MTMR12: variants seen among roughly 807,000 people sequenced by gnomAD.
MTMR12 encodes the protein myotubularin-related protein 12.
A neutral mutation model predicts 96.7 loss-of-function variants in MTMR12; 33 were observed. That is an observed-to-expected ratio of 0.34 (90% CI 0.26 to 0.46). MTMR12 has a LOEUF of 0.46. Among genes scored for constraint, MTMR12 ranks in the 20% least tolerant of loss-of-function variants. The pLI, the probability that MTMR12 is intolerant of heterozygous loss-of-function variation, is 1.00. For missense variants in MTMR12, 721 were observed against 896.1 expected, an observed-to-expected ratio of 0.80 and a Z score of 2.49; for synonymous variants, 298 against 327.2, an observed-to-expected ratio of 0.91 and a Z score of 0.96.
intron 1 of MTMR12, chr5:32,309,731 A>G (rs1751502921): frequency 6.6e-6 from 1 of 152,312 alleles, no homozygotes; most frequent in Non-Finnish European, 1.5e-5. Flanking sequence ...CCCCTGCGCA[A>G]GGATGACATG....
chr5:32,237,542 A>G (rs528530797), intron 13 of MTMR12, among the ~76,000 whole-genome samples: 3 of 151,592 alleles, frequency 2.0e-5, no homozygotes, highest in Admixed American at 6.6e-5. Flanking sequence ...ATGGAGTCTC[A>G]TTCTGTCACC....
chr5:32,281,038 A>G (rs1750271445), intron 1 of MTMR12, among the ~76,000 whole-genome samples: 1 of 151,872 alleles, frequency 6.6e-6, no homozygotes, highest in African/African-American at 2.4e-5. Context: ...ACTTGAGGCC[A>G]GGAGTTTGAG....
At chr5:32,251,054 C>CT (rs1299015165) in intron 8 of MTMR12, among the ~76,000 whole-genome samples, 3,739 of 130,968 alleles carry the variant, frequency 0.029, 204 homozygotes, top group African/African-American at 0.084. Context: ...AGGTCCCTCT[C>CT]TTTTTTTTTT....
intron 7 of MTMR12, among the ~76,000 whole-genome samples, chr5:32,257,813 T>G (rs2112044941): frequency 6.6e-6 from 1 of 151,522 alleles, no homozygotes; most frequent in South Asian, 2.1e-4. Context: ...AACAAAAAAC[T>G]TGGACTGGGC....
Position 32,239,172 on chromosome 5 carries a change from C to A in MTMR12, c.1173G>T (p.Glu391Asp). 6.3e-7 allele frequency: 1 copy of A among 1,578,716 alleles called. No homozygotes were observed. The highest frequency in any genetic ancestry group is 8.6e-7 in the Non-Finnish European group (1 of 1,158,828). Residue 391 changes from glutamate (E) to aspartate (D), a missense_variant and splice_region_variant, in exon 13 of 16, where the codon GAG becomes GAT. Physicochemically the swap from Glu to Asp is conservative, Grantham distance 45. Transcript: ENST00000382142. ...GACAGCAGAGGTCGGATGCATTCTC[C>A]TCTAGGAGAGGCCCCAGCAGCAGTG... ...EAQNMNVLLL[E>D]ENASDLCCLI... is the part of the protein sequence containing the mutation.
At chr5:32,307,919 G>A (rs1751419554) in intron 1 of MTMR12, among the ~76,000 whole-genome samples, 1 of 152,200 alleles carries the variant, frequency 6.6e-6, no homozygotes, top group Admixed American at 6.5e-5. Context: ...CCAGGTACAG[G>A]TATCATTACA....
intron 1 of MTMR12, among the ~76,000 whole-genome samples, chr5:32,302,031 C>T (rs1008644578): frequency 1.3e-5 from 2 of 152,204 alleles, no homozygotes; most frequent in African/African-American, 4.8e-5. Context: ...TCATCTTCAA[C>T]ATATTTCATC....
At chr5:32,310,402 A>G (rs1352040613) in intron 1 of MTMR12, among the ~76,000 whole-genome samples, 1 of 152,252 alleles carries the variant, frequency 6.6e-6, no homozygotes, top group African/African-American at 2.4e-5. Flanking sequence ...AAGCAACCAA[A>G]GTGTCCATCA....
chr5:32,247,287 G>C (rs1375592614), intron 10 of MTMR12, among the ~76,000 whole-genome samples: 1 of 152,148 alleles, frequency 6.6e-6, no homozygotes, highest in Non-Finnish European at 1.5e-5. Context: ...GAGTTTTAAG[G>C]TTGCAGTGAG....
intron 1 of MTMR12, among the ~76,000 whole-genome samples, chr5:32,297,404 C>T (rs1221213358): frequency 6.6e-6 from 1 of 152,150 alleles, no homozygotes; most frequent in Non-Finnish European, 1.5e-5. Context: ...TACAAATGTT[C>T]TTTCAGTTGT....
intron 13 of MTMR12, among the ~76,000 whole-genome samples, chr5:32,237,844 G>A (rs1748299846): frequency 6.6e-6 from 1 of 151,546 alleles, no homozygotes; most frequent in African/African-American, 2.4e-5. Flanking sequence ...TATGTGCAAG[G>A]AAAATTGACT....
intron 8 of MTMR12, among the ~76,000 whole-genome samples, chr5:32,249,857 G>C (rs577132567): frequency 3.3e-5 from 5 of 152,216 alleles, no homozygotes; most frequent in African/African-American, 4.8e-5. Context: ...CTGGTTGGAC[G>C]GGTGAGTACA....
At chr5:32,264,228 C>T (rs957312042) in intron 6 of MTMR12, among the ~76,000 whole-genome samples, 3 of 152,120 alleles carry the variant, frequency 2.0e-5, no homozygotes, top group Non-Finnish European at 4.4e-5. Flanking sequence ...CACTGCTTGC[C>T]GGGTATTTAT....
rs1712375361 is a variant in MTMR12 at position 32,268,796 on chromosome 5, TA to T, written c.490-3del. 1.2e-6 allele frequency: 2 copies of T among 1,607,568 alleles called. No individual in the cohort carries two copies. The highest frequency in any genetic ancestry group is 1.7e-6 in the Non-Finnish European group (2 of 1,174,266). Reference sequence around the variant, plus strand: ...ATGATGAATTATGCCACTGACAATCTAAAAAAGAATCGAACAATGGATATAG... The same window carrying T: ...ATGATGAATTATGCCACTGACAATCTAAAAAGAATCGAACAATGGATATAG... On this transcript the variant is annotated splice_polypyrimidine_tract_variant and splice_region_variant and intron_variant, in intron 5 of 15. Transcript: ENST00000382142.
chr5:32,257,660 T>C (rs1290796799), intron 7 of MTMR12, among the ~76,000 whole-genome samples: 2 of 152,092 alleles, frequency 1.3e-5, no homozygotes, highest in South Asian at 4.2e-4. Context: ...TCCCAGCTAC[T>C]CGAGAGGCTG....
chr5:32,297,118 A>AG (rs1750961561), intron 1 of MTMR12, among the ~76,000 whole-genome samples: 1 of 151,272 alleles, frequency 6.6e-6, no homozygotes, highest in Admixed American at 6.6e-5. Flanking sequence ...AAAAAAAAAA[A>AG]GATATAATTT....
At chr5:32,253,527 T>C (rs1469640396) in intron 8 of MTMR12, among the ~76,000 whole-genome samples, 1 of 152,350 alleles carries the variant, frequency 6.6e-6, no homozygotes, top group East Asian at 1.9e-4. Context: ...TCTTGTGTAA[T>C]ACTTTTTTGC....
intron 12 of MTMR12, 97 bp from the exon 13 acceptor site, chr5:32,239,270 C>T (rs1287719541): frequency 8.9e-6 from 11 of 1,235,280 alleles, no homozygotes; most frequent in Non-Finnish European, 1.1e-5. Flanking sequence ...AAGTAGGATT[C>T]CCAACACCAA....
chr5:32,245,017 T>C (rs527528777), intron 10 of MTMR12, among the ~76,000 whole-genome samples: 5 of 152,196 alleles, frequency 3.3e-5, no homozygotes, highest in Non-Finnish European at 4.4e-5. Flanking sequence ...AAAAAATGTG[T>C]TCCCTTCAAG....
Sources: gnomAD v4.1 joint callset for allele counts (sites outside exome capture counted in the v4.1 genomes callset) on GRCh38, gnomAD v4.1.1 for gene constraint, MANE v1.5 for transcripts, NCBI Gene and HGNC (gene_info 2026-07-23, HGNC 2026-07-21) for gene names.